The following NRG3 variants were observed in gnomAD, a reference collection of about 807,000 sequenced individuals.
NRG3 encodes neuregulin 3.
A neutral mutation model predicts 66.9 loss-of-function variants in NRG3; 31 were observed. The ratio of observed to expected loss-of-function variants is 0.46; its 90% CI spans 0.35 to 0.63. The LOEUF is 0.63. NRG3 is among the 20% of genes least tolerant of loss of function. The pLI is 0.00. For synonymous variants in NRG3, 393 were observed against 359.4 expected (o/e 1.09, Z -1.06); for missense variants, 910 against 878.9 (o/e 1.04, Z -0.45).
At chr10:82,458,164 C>T (rs2091356675) in intron 2 of NRG3, among the ~76,000 whole-genome samples, 1 of 152,152 alleles carries the variant, frequency 6.6e-6, no homozygotes. Context: ...CTCCTCAGTT[C>T]ATCACATGAT....
At chr10:82,002,522 C>T (rs2061213634) in intron 1 of NRG3, among the ~76,000 whole-genome samples, 1 of 152,114 alleles carries the variant, frequency 6.6e-6, no homozygotes. Flanking sequence ...CAACTGTGTG[C>T]TCTTTTGCAT....
chr10:82,236,619 T>TAACC (rs2076763802), intron 1 of NRG3, among the ~76,000 whole-genome samples: 1 of 151,888 alleles, frequency 6.6e-6, no homozygotes, highest in Non-Finnish European at 1.5e-5. Flanking sequence ...GTCATCTGTT[T>TAACC]AACCCAAACT....
At chr10:82,951,702 C>T (rs1035887794) in intron 5 of NRG3, 131 bp downstream of exon 5, 1 of 710,228 alleles carries the variant, frequency 1.4e-6, no homozygotes, top group Non-Finnish European at 2.4e-6. Flanking sequence ...CTGCAAGTGA[C>T]TTAGGACATT....
At chr10:82,383,385 A>G (rs2085753081) in intron 2 of NRG3, among the ~76,000 whole-genome samples, 1 of 151,514 alleles carries the variant, frequency 6.6e-6, no homozygotes, top group Non-Finnish European at 1.5e-5. Flanking sequence ...ATTCATACCT[A>G]AATTTATTTA....
intron 3 of NRG3, among the ~76,000 whole-genome samples, chr10:82,785,368 T>A (rs1262690918): frequency 6.6e-6 from 1 of 150,602 alleles, no homozygotes; most frequent in South Asian, 2.1e-4. Flanking sequence ...AATAAAAAAA[T>A]TAAATTAAAT....
intron 2 of NRG3, among the ~76,000 whole-genome samples, chr10:82,725,637 T>G (rs1045195011): frequency 6.6e-6 from 1 of 152,192 alleles, no homozygotes; most frequent in African/African-American, 2.4e-5. Flanking sequence ...TTGATGGATT[T>G]AGCAAATAAA....
chr10:82,182,685 A>T (rs982466967), intron 1 of NRG3, among the ~76,000 whole-genome samples: 1 of 151,896 alleles, frequency 6.6e-6, no homozygotes, highest in Non-Finnish European at 1.5e-5. Flanking sequence ...TTACAGTATT[A>T]TAGTATTGTA....
intron 4 of NRG3, among the ~76,000 whole-genome samples, chr10:82,928,610 A>AG (rs200921822): frequency 0.17 from 13,220 of 76,886 alleles, 770 homozygotes; most frequent in Admixed American, 0.3. Context: ...AGGGATCAGC[A>AG]GGTTTTTTTT....
chr10:82,863,076 G>A (rs1040460094), intron 3 of NRG3, among the ~76,000 whole-genome samples: 4 of 152,060 alleles, frequency 2.6e-5, no homozygotes, highest in South Asian at 2.1e-4. Flanking sequence ...TGTTCTCATT[G>A]TTCAACTCCC....
At chr10:82,816,739 C>A (rs1383463574) in intron 3 of NRG3, among the ~76,000 whole-genome samples, 3 of 152,198 alleles carry the variant, frequency 2.0e-5, no homozygotes, top group Non-Finnish European at 1.5e-5. Context: ...CCACCCTCAG[C>A]AGCCCCAACT....
intron 1 of NRG3, among the ~76,000 whole-genome samples, chr10:82,083,675 A>G (rs1204988015): frequency 1.4e-5 from 2 of 146,264 alleles, no homozygotes; most frequent in African/African-American, 2.5e-5. Flanking sequence ...GCCCACCACA[A>G]CCTCCACCTC....
At chr10:82,723,742 G>A (rs979416646) in intron 2 of NRG3, among the ~76,000 whole-genome samples, 9 of 152,156 alleles carry the variant, frequency 5.9e-5, no homozygotes, top group African/African-American at 2.2e-4. Flanking sequence ...CACTTTGGGA[G>A]GCCGAGGTGG....
At chr10:82,193,404 A>G (rs2074271016) in intron 1 of NRG3, among the ~76,000 whole-genome samples, 2 of 152,296 alleles carry the variant, frequency 1.3e-5, no homozygotes, top group African/African-American at 2.4e-5. Context: ...CGACCTCCCA[A>G]AGTGCTGGGA....
intron 1 of NRG3, among the ~76,000 whole-genome samples, chr10:82,354,195 C>G (rs2083626178): frequency 6.8e-6 from 1 of 146,044 alleles, no homozygotes; most frequent in African/African-American, 2.6e-5. Context: ...CCACCATGCC[C>G]AAATAATTTA....
chr10:82,646,322 T>A (rs1302580262), intron 2 of NRG3, among the ~76,000 whole-genome samples: 12 of 152,024 alleles, frequency 7.9e-5, no homozygotes, highest in Non-Finnish European at 1.8e-4. Flanking sequence ...GAGAGCAGAG[T>A]GATCATTTGC....
intron 2 of NRG3, among the ~76,000 whole-genome samples, chr10:82,494,902 C>G (rs998774999): frequency 1.3e-5 from 2 of 151,842 alleles, no homozygotes; most frequent in African/African-American, 4.8e-5. Context: ...ATATGCATAT[C>G]AGACACCGTG....
chr10:82,476,424 AT>A lies in NRG3; in HGVS notation c.953+117558del, dbSNP rs1305314526. On this transcript the variant is annotated intron_variant, in intron 2 of 8. Coordinates refer to ENST00000372141, the MANE Select transcript of NRG3 (RefSeq NM_001010848.4). ...ATACACTCATGTTCATAGCAGCAGT[AT>A]TCATAATAGCCAAAGGTGAAGTCAA... 2.0e-5 allele frequency among the ~76,000 whole-genome samples: 3 copies of A among 152,382 alleles called. No homozygotes were observed. The East Asian group carries it at 5.8e-4, about 29-fold the overall frequency.
intron 3 of NRG3, among the ~76,000 whole-genome samples, chr10:82,824,407 A>G (rs770929229): frequency 6.6e-5 from 10 of 152,182 alleles, no homozygotes; most frequent in Non-Finnish European, 1.5e-4. Context: ...GCTGAGTTAT[A>G]TGGTAGCTTT....
At chr10:82,057,712 T>G (rs1467771730) in intron 1 of NRG3, among the ~76,000 whole-genome samples, 2 of 152,110 alleles carry the variant, frequency 1.3e-5, no homozygotes, top group African/African-American at 4.8e-5. Flanking sequence ...AGAGTTCTCC[T>G]TCTCCTTCAC....
Sources: gnomAD v4.1 joint callset for allele counts (sites outside exome capture counted in the v4.1 genomes callset) on GRCh38, gnomAD v4.1.1 for gene constraint, MANE v1.5 for transcripts, NCBI Gene and HGNC (gene_info 2026-07-23, HGNC 2026-07-21) for gene names.